The following EBF1 variants were observed in gnomAD, a reference collection of about 807,000 sequenced individuals.
EBF1 encodes the protein EBF transcription factor 1.
In EBF1, 10 loss-of-function variants were observed where a neutral mutation model predicts 68.4. That is an observed-to-expected ratio of 0.15 (90% CI 0.09 to 0.25). EBF1 has a LOEUF of 0.25. Ranked by LOEUF, EBF1 falls within the 10% of genes least tolerant of loss-of-function variation. EBF1 has a pLI of 1.00. For synonymous variants in EBF1, 298 were observed against 299.8 expected (o/e 0.99, Z 0.06); for missense variants, 509 against 794.4 (o/e 0.64, Z 4.32).
chr5:159,074,341 C>T (rs911053364), intron 5 of EBF1, among the ~76,000 whole-genome samples: 3 of 152,134 alleles, frequency 2.0e-5, no homozygotes, highest in Admixed American at 6.6e-5. Flanking sequence ...CAACAGAAAA[C>T]GATCCATCTG....
intron 6 of EBF1, among the ~76,000 whole-genome samples, chr5:158,848,869 A>C (rs1206499897): frequency 2.0e-5 from 3 of 152,238 alleles, no homozygotes; most frequent in African/African-American, 7.2e-5. Context: ...GAGATCAAGA[A>C]GTTCAAGTCC....
At chr5:158,959,679 A>T (rs1817791629) in intron 6 of EBF1, among the ~76,000 whole-genome samples, 1 of 152,162 alleles carries the variant, frequency 6.6e-6, no homozygotes, top group South Asian at 2.1e-4. Context: ...GTATATATAT[A>T]TATACTTTCA....
At chr5:158,889,058 C>T (rs927000154) in intron 6 of EBF1, among the ~76,000 whole-genome samples, 4 of 152,170 alleles carry the variant, frequency 2.6e-5, no homozygotes, top group African/African-American at 9.7e-5. Context: ...CACATATGTT[C>T]CCCACTGAGA....
chr5:158,831,357 A>G (rs1281584110), intron 7 of EBF1, among the ~76,000 whole-genome samples: 1 of 152,172 alleles, frequency 6.6e-6, no homozygotes, highest in Non-Finnish European at 1.5e-5. Flanking sequence ...ATCTTAGATG[A>G]GTCACTTAGT....
chr5:158,709,328 T>TA (rs560586748), intron 14 of EBF1, among the ~76,000 whole-genome samples: 8 of 85,106 alleles, frequency 9.4e-5, no homozygotes, highest in Admixed American at 2.2e-4. Flanking sequence ...ATCACATATA[T>TA]TTTTTTTTTT....
chr5:158,696,871 G>A lies in EBF1; in HGVS notation c.*2240C>T, dbSNP rs1354845457. The stretch of plus-strand genomic sequence containing the variant: ...TACATTGTCTTAAGGTAACAAAACA[G>A]TTCTTTTGTGCTTTTCGATTTCTTT... On this transcript the variant is annotated 3_prime_UTR_variant, in exon 16 of 16. Transcript: ENST00000313708. 5.1e-6 allele frequency: 1 copy of A among 196,030 alleles called. No homozygotes were observed. Among genetic ancestry groups the A allele is most frequent in the African/African-American group, 2.3e-5 (1 of 42,744 alleles). The allele number at this position is 196,030 out of a possible 1,614,324, so 12.1% of individuals were successfully genotyped here. A position where few individuals can be genotyped will look rare whatever the true frequency, so the allele number is the denominator to read the frequency against.
chr5:158,820,822 T>A (rs1316463067), intron 8 of EBF1, among the ~76,000 whole-genome samples: 1 of 152,194 alleles, frequency 6.6e-6, no homozygotes, highest in East Asian at 1.9e-4. Context: ...TTAACACTCT[T>A]AGAAGAGGGA....
chr5:158,973,318 C>A (rs1378559976), intron 6 of EBF1, among the ~76,000 whole-genome samples: 1 of 152,032 alleles, frequency 6.6e-6, no homozygotes, highest in Admixed American at 6.6e-5. Flanking sequence ...CTCTTTCTAG[C>A]CTTTTCTCTC....
At chr5:158,787,604 G>A (rs926292261) in intron 9 of EBF1, among the ~76,000 whole-genome samples, 2 of 152,156 alleles carry the variant, frequency 1.3e-5, no homozygotes, top group African/African-American at 2.4e-5. Flanking sequence ...GAGTCAGGTG[G>A]ACTTTGATTC....
intron 6 of EBF1, among the ~76,000 whole-genome samples, chr5:158,956,479 G>T (rs945599376): frequency 6.7e-6 from 1 of 149,726 alleles, no homozygotes; most frequent in African/African-American, 2.5e-5. Flanking sequence ...ACACACACAC[G>T]CACACACACA....
At position 158,975,354 on chromosome 5, in the gene EBF1, A is replaced by T. The variant is rs189558824; in HGVS notation, c.554+98042T>A. Among the ~76,000 whole-genome samples the T allele has an allele frequency of 4.9e-3, 740 of 152,356 alleles. 4 individuals carry two copies. Among genetic ancestry groups the T allele is most frequent in the Non-Finnish European group, 7.6e-3 (520 of 68,044 alleles). On this transcript the variant is annotated intron_variant, in intron 6 of 15. Transcript: ENST00000313708. ...GCTGTGTTTACTGAGACAAGAAAAC[A>T]AAAGACTTTCTGGTTCACAGGGAAA...
chr5:158,907,857 A>G lies in EBF1; in HGVS notation c.555-67747T>C, dbSNP rs536450104. Among the ~76,000 whole-genome samples, 4 of 152,202 alleles carry G rather than the reference A, an allele frequency of 2.6e-5. No individual in the cohort carries two copies. The South Asian group carries it at 8.3e-4, about 32-fold the overall frequency. The stretch of plus-strand genomic sequence containing the variant: ...TCTTTTGTTCTCAGCGCATTTATCA[A>G]GTATGCAGTAGCTTCTAGAAATCAC... On this transcript the variant is annotated intron_variant, in intron 6 of 15. Transcript: ENST00000313708.
At chr5:159,048,972 T>C (rs577751137) in intron 6 of EBF1, among the ~76,000 whole-genome samples, 1 of 152,348 alleles carries the variant, frequency 6.6e-6, no homozygotes, top group East Asian at 1.9e-4. Context: ...ATCCAGCTTC[T>C]TCACAAGTAG....
At chr5:158,786,768 G>A (rs1777532429) in intron 9 of EBF1, among the ~76,000 whole-genome samples, 1 of 152,124 alleles carries the variant, frequency 6.6e-6, no homozygotes, top group Non-Finnish European at 1.5e-5. Flanking sequence ...TATGGAAGGG[G>A]ATGAATGCTT....
At chr5:159,002,554 T>C (rs1762748602) in intron 6 of EBF1, among the ~76,000 whole-genome samples, 1 of 152,216 alleles carries the variant, frequency 6.6e-6, no homozygotes, top group Non-Finnish European at 1.5e-5. Context: ...TTATTTCCTA[T>C]TTTCCAGGCT....
At chr5:158,944,817 C>G (rs1222910370) in intron 6 of EBF1, among the ~76,000 whole-genome samples, 2 of 152,174 alleles carry the variant, frequency 1.3e-5, no homozygotes, top group Admixed American at 6.5e-5. Flanking sequence ...CTCTAATGAC[C>G]AGCGATGATG....
intron 15 of EBF1, 48 bp downstream of exon 15, chr5:158,707,931 G>A (rs1034206924): frequency 2.6e-6 from 4 of 1,530,088 alleles, no homozygotes; most frequent in Admixed American, 2.0e-5. Context: ...CTGGGAGGGT[G>A]AAGTCAGGGC....
chr5:159,051,213 T>A (rs914441135), intron 6 of EBF1, among the ~76,000 whole-genome samples: 82 of 152,172 alleles, frequency 5.4e-4, no homozygotes, highest in African/African-American at 1.9e-3. Flanking sequence ...CTTTTTTTTT[T>A]ATTTTAATTC....
At chr5:159,039,686 T>C (rs1015944916) in intron 6 of EBF1, among the ~76,000 whole-genome samples, 3 of 152,234 alleles carry the variant, frequency 2.0e-5, no homozygotes, top group Non-Finnish European at 4.4e-5. Context: ...GGTTTTGTCA[T>C]GAAACTTAAA....
Sources: allele counts gnomAD v4.1 joint callset (sites outside exome capture counted in the v4.1 genomes callset), GRCh38; gene constraint gnomAD v4.1.1; transcripts MANE v1.5; gene names NCBI Gene and HGNC (gene_info 2026-07-23, HGNC 2026-07-21).